RELN: variants seen among roughly 807,000 people sequenced by gnomAD.
The protein encoded by RELN is reelin.
RELN carries 108 observed loss-of-function variants against 427.6 expected under a neutral mutation model. The observed-to-expected ratio is 0.25, with a 90% CI of 0.22 to 0.30. The LOEUF (loss-of-function observed/expected upper bound fraction) is 0.30. RELN is among the 10% of genes least tolerant of loss of function. The pLI, the probability that RELN is intolerant of heterozygous loss-of-function variation, is 1.00. For missense variants in RELN, 3,715 were observed against 4,302.8 expected (o/e 0.86, Z 3.82); for synonymous variants, 1,524 against 1,513.4 (o/e 1.01, Z -0.16).
chr7:103,562,541 C>A (rs762498138), intron 34 of RELN, among the ~76,000 whole-genome samples: 1 of 152,192 alleles, frequency 6.6e-6, no homozygotes, highest in Non-Finnish European at 1.5e-5. Flanking sequence ...TTTGGAGTAT[C>A]TTGGGTCACA....
At chr7:103,669,302 T>C (rs1476544781) in intron 11 of RELN, among the ~76,000 whole-genome samples, 5 of 152,214 alleles carry the variant, frequency 3.3e-5, no homozygotes, top group African/African-American at 1.2e-4. Context: ...TTTACAAGAT[T>C]CATGTTTTGC....
At chr7:103,873,618 A>C (rs1157603818) in intron 2 of RELN, among the ~76,000 whole-genome samples, 2 of 104,636 alleles carry the variant, frequency 1.9e-5, no homozygotes, top group Non-Finnish European at 4.1e-5. Flanking sequence ...GAAATGGATA[A>C]ATTCCTCGAC....
chr7:103,484,191 T>G (rs141160053), intron 61 of RELN: 171 of 298,732 alleles, frequency 5.7e-4, no homozygotes, highest in African/African-American at 3.4e-3. Context: ...GGAAATCATC[T>G]TTATACTAAA....
intron 3 of RELN, among the ~76,000 whole-genome samples, chr7:103,827,706 G>C (rs1793176983): frequency 6.6e-6 from 1 of 151,940 alleles, no homozygotes; most frequent in Non-Finnish European, 1.5e-5. Flanking sequence ...TTTAAGGATA[G>C]ACAATATTTC....
At chr7:103,496,966 A>T (rs575946850) in intron 55 of RELN, among the ~76,000 whole-genome samples, 198 bp from the exon 56 acceptor site, 2 of 152,300 alleles carry the variant, frequency 1.3e-5, no homozygotes, top group East Asian at 1.9e-4. Flanking sequence ...GAGGGGAAGG[A>T]TATTTCGAAA....
intron 1 of RELN, among the ~76,000 whole-genome samples, chr7:103,939,898 T>C (rs1478604686): frequency 6.6e-6 from 1 of 152,174 alleles, no homozygotes; most frequent in Non-Finnish European, 1.5e-5. Context: ...TTCTATGTAA[T>C]GGTAGGATCC....
intron 2 of RELN, among the ~76,000 whole-genome samples, chr7:103,855,521 C>G (rs1793924584): frequency 1.3e-5 from 2 of 152,160 alleles, no homozygotes; most frequent in Admixed American, 6.5e-5. Context: ...ATGAGAAGGG[C>G]AAGGATTCTA....
chr7:103,751,199 G>A (rs1790990776), intron 5 of RELN, among the ~76,000 whole-genome samples: 2 of 152,006 alleles, frequency 1.3e-5, no homozygotes, highest in African/African-American at 4.8e-5. Context: ...ACTGTCTTTT[G>A]GAAAAATTAA....
intron 50 of RELN, among the ~76,000 whole-genome samples, chr7:103,514,601 G>T (rs531056286): frequency 2.0e-5 from 3 of 152,296 alleles, no homozygotes; most frequent in African/African-American, 7.2e-5. Context: ...GGAGGTTGCA[G>T]TGAGCTGGGA....
chr7:103,758,076 TC>T (rs1369083991), intron 4 of RELN, among the ~76,000 whole-genome samples: 1 of 152,200 alleles, frequency 6.6e-6, no homozygotes, highest in African/African-American at 2.4e-5. Flanking sequence ...TGTTAAGAGT[TC>T]CCTGTTAGAA....
At chr7:103,923,655 A>C (rs1795663784) in intron 1 of RELN, among the ~76,000 whole-genome samples, 1 of 152,106 alleles carries the variant, frequency 6.6e-6, no homozygotes, top group African/African-American at 2.4e-5. Flanking sequence ...TTCCTACCTT[A>C]CCTATCTATT....
intron 6 of RELN, among the ~76,000 whole-genome samples, chr7:103,743,057 T>G (rs1002908811): frequency 1.3e-5 from 2 of 149,472 alleles, no homozygotes; most frequent in African/African-American, 5.1e-5. Flanking sequence ...GACTAACAGC[T>G]GATCTCTCAG....
intron 3 of RELN, among the ~76,000 whole-genome samples, chr7:103,796,407 T>C (rs1030121132): frequency 6.6e-6 from 1 of 152,220 alleles, no homozygotes; most frequent in East Asian, 1.9e-4. Flanking sequence ...ATGAAAAACA[T>C]CTGTACTTCT....
intron 19 of RELN, among the ~76,000 whole-genome samples, chr7:103,631,348 C>A (rs1832463970): frequency 8.3e-6 from 1 of 120,632 alleles, no homozygotes; most frequent in Non-Finnish European, 1.6e-5. Flanking sequence ...GGCTGGAGTG[C>A]AATGGCACAA....
At chr7:103,512,004 G>A (rs1829435289) in intron 50 of RELN, among the ~76,000 whole-genome samples, 1 of 151,956 alleles carries the variant, frequency 6.6e-6, no homozygotes, top group Non-Finnish European at 1.5e-5. Context: ...TTGTTGGGGG[G>A]TTGCTGTTTA....
chr7:103,744,581 A>G (rs1158244611), intron 6 of RELN, among the ~76,000 whole-genome samples: 1 of 152,240 alleles, frequency 6.6e-6, no homozygotes, highest in Admixed American at 6.5e-5. Flanking sequence ...GATAAAGGGG[A>G]TATCACCACT....
chr7:103,493,904 G>T (rs1198089902), intron 57 of RELN, among the ~76,000 whole-genome samples: 1 of 152,068 alleles, frequency 6.6e-6, no homozygotes, highest in Non-Finnish European at 1.5e-5. Flanking sequence ...AATTTTTGAG[G>T]ATAGACTCTC....
chr7:103,957,996 G>A (rs935671516), intron 1 of RELN, among the ~76,000 whole-genome samples: 1 of 152,058 alleles, frequency 6.6e-6, no homozygotes, highest in Admixed American at 6.5e-5. Context: ...ACCCCTTCAG[G>A]CTCCCTTTGG....
intron 2 of RELN, among the ~76,000 whole-genome samples, chr7:103,847,279 A>G (rs958876505): frequency 6.6e-6 from 1 of 152,194 alleles, no homozygotes; most frequent in Admixed American, 6.5e-5. Flanking sequence ...ACATGGATGA[A>G]GCTGGAAACC....
Sources: allele counts gnomAD v4.1 joint callset (sites outside exome capture counted in the v4.1 genomes callset), GRCh38; gene constraint gnomAD v4.1.1; transcripts MANE v1.5; gene names NCBI Gene and HGNC (gene_info 2026-07-23, HGNC 2026-07-21).